Variants in ARHGAP26 observed in about 807,000 individuals in gnomAD.
ARHGAP26 encodes rho GTPase-activating protein 26.
ARHGAP26 carries 38 observed loss-of-function variants against 104.8 expected under a neutral mutation model. The ratio of observed to expected loss-of-function variants is 0.36; its 90% confidence interval spans 0.28 to 0.48. The LOEUF (loss-of-function observed/expected upper bound fraction) is 0.48, where lower values mean the gene tolerates loss of function less well. Among genes scored for constraint, ARHGAP26 ranks in the 20% least tolerant of loss-of-function variants. The pLI is 0.99. For missense variants in ARHGAP26, 704 were observed against 947.9 expected (o/e 0.74, Z 3.38); for synonymous variants, 341 against 340.0 (o/e 1.00, Z -0.03).
At chr5:143,168,990 T>A (rs906811782) in intron 20 of ARHGAP26, 1 of 152,242 alleles carries the variant, frequency 6.6e-6, no homozygotes, top group South Asian at 2.1e-4. Flanking sequence ...CTATGGAAAC[T>A]GCATCCCAGA....
intron 14 of ARHGAP26, among the ~76,000 whole-genome samples, chr5:143,053,771 C>T (rs1463652386): frequency 1.3e-5 from 2 of 152,200 alleles, no homozygotes; most frequent in Admixed American, 6.5e-5. Flanking sequence ...CAGTCCACCA[C>T]TTTAACCCAA....
intron 11 of ARHGAP26, among the ~76,000 whole-genome samples, chr5:142,975,981 G>A (rs886067737): frequency 6.6e-6 from 1 of 152,162 alleles, no homozygotes; most frequent in African/African-American, 2.4e-5. Flanking sequence ...AAAACTCTCC[G>A]TGGAACTTAG....
At chr5:143,137,521 A>G (rs1253357836) in intron 19 of ARHGAP26, among the ~76,000 whole-genome samples, 1 of 152,204 alleles carries the variant, frequency 6.6e-6, no homozygotes, top group Non-Finnish European at 1.5e-5. Context: ...GAGGGCACAC[A>G]TGCACCCATA....
At chr5:143,023,158 G>A (rs1201773744) in intron 12 of ARHGAP26, among the ~76,000 whole-genome samples, 1 of 152,198 alleles carries the variant, frequency 6.6e-6, no homozygotes, top group African/African-American at 2.4e-5. Flanking sequence ...TGCTTTATAT[G>A]TTGTTTCTGT....
intron 12 of ARHGAP26, among the ~76,000 whole-genome samples, chr5:143,018,208 G>C (rs1277305997): frequency 6.6e-6 from 1 of 151,660 alleles, no homozygotes; most frequent in East Asian, 1.9e-4. Flanking sequence ...TTTTCTTTTT[G>C]ATATGTAAAA....
chr5:142,992,282 G>A (rs1428079907), intron 11 of ARHGAP26, among the ~76,000 whole-genome samples: 4 of 152,054 alleles, frequency 2.6e-5, no homozygotes, highest in Non-Finnish European at 5.9e-5. Context: ...GCATCAAGAT[G>A]TAAGGTGAAG....
At chr5:142,771,261 C>T in intron 1 of ARHGAP26, 1 of 1,250,136 alleles carries the variant, frequency 8.0e-7, no homozygotes, top group Non-Finnish European at 1.0e-6. Flanking sequence ...GCGGGCAGAT[C>T]CCATCGTGTC....
In ARHGAP26 at chr5:142,885,336, T is replaced by C. The variant is rs1490221875; in HGVS notation, c.423T>C (p.Tyr141=). The C allele has an allele frequency of 1.2e-6, 2 of 1,613,880 alleles. No individual in the cohort carries two copies. Among genetic ancestry groups the C allele is most frequent in the Non-Finnish European group, 1.7e-6 (2 of 1,179,828 alleles). ...AGTATGACAAAGAGACAGAAAAGTA[T>C]TGTGGCATCTTAGAAAAACACTTGA... The part of the protein sequence containing the change: ...KKKYDKETEK[Y]CGILEKHLNL... Residue 141 remains tyrosine (Y), a synonymous_variant, in exon 5 of 23, where the codon TAT becomes TAC. Transcript: ENST00000645722.
intron 8 of ARHGAP26, among the ~76,000 whole-genome samples, chr5:142,904,525 G>A (rs113308385): frequency 9.3e-4 from 132 of 141,974 alleles, no homozygotes; most frequent in Middle Eastern, 7.3e-3. Context: ...TCTCTTAAAA[G>A]AAAAAAAAAA....
intron 1 of ARHGAP26, among the ~76,000 whole-genome samples, chr5:142,802,695 A>G (rs560095842): frequency 6.6e-6 from 1 of 152,026 alleles, no homozygotes; most frequent in Admixed American, 6.5e-5. Context: ...TTTTTTTTTT[A>G]ACAGCTGTAT....
chr5:142,796,054 C>G (rs1597656973), intron 1 of ARHGAP26, among the ~76,000 whole-genome samples: 2 of 144,150 alleles, frequency 1.4e-5, no homozygotes, highest in East Asian at 2.0e-4. Flanking sequence ...AGGTGTTTTT[C>G]TGTGTGTGTG....
At chr5:142,898,704 T>C (rs149584316) in intron 6 of ARHGAP26, among the ~76,000 whole-genome samples, 74 of 152,330 alleles carry the variant, frequency 4.9e-4, no homozygotes, top group African/African-American at 1.7e-3. Flanking sequence ...TAATCTTCAC[T>C]GCAACTCTGT....
intron 11 of ARHGAP26, among the ~76,000 whole-genome samples, chr5:142,955,184 C>G (rs1312225318): frequency 6.6e-6 from 1 of 152,026 alleles, no homozygotes; most frequent in Non-Finnish European, 1.5e-5. Flanking sequence ...GCCTTACTCT[C>G]AGCTACTCCA....
intron 22 of ARHGAP26, among the ~76,000 whole-genome samples, chr5:143,219,028 G>A (rs897370862): frequency 6.6e-6 from 1 of 152,254 alleles, no homozygotes; most frequent in African/African-American, 2.4e-5. Context: ...AAACTCAGGT[G>A]TGAAGTGCGT....
intron 17 of ARHGAP26, among the ~76,000 whole-genome samples, chr5:143,093,861 A>G (rs1326067569): frequency 6.6e-6 from 1 of 152,004 alleles, no homozygotes; most frequent in Non-Finnish European, 1.5e-5. Context: ...GTGAGGTTCA[A>G]CCCCACACCA....
At chr5:143,063,494 C>T (rs943873682) in intron 17 of ARHGAP26, among the ~76,000 whole-genome samples, 2 of 152,212 alleles carry the variant, frequency 1.3e-5, no homozygotes, top group African/African-American at 4.8e-5. Flanking sequence ...TGGAAATGGC[C>T]TCCAAAGCCC....
intron 11 of ARHGAP26, among the ~76,000 whole-genome samples, chr5:142,989,600 G>C (rs962184179): frequency 2.0e-5 from 3 of 152,122 alleles, no homozygotes; most frequent in Admixed American, 6.6e-5. Context: ...GCATGTTTTT[G>C]CAGTGGCTGG....
chr5:143,159,058 A>C (rs1034650144), intron 20 of ARHGAP26, among the ~76,000 whole-genome samples: 2 of 152,236 alleles, frequency 1.3e-5, no homozygotes, highest in African/African-American at 4.8e-5. Flanking sequence ...CTGCCCAGTC[A>C]CCACCCTTAG....
chr5:143,215,874 T>C (rs1426629973), intron 22 of ARHGAP26, among the ~76,000 whole-genome samples: 1 of 152,218 alleles, frequency 6.6e-6, no homozygotes, highest in African/African-American at 2.4e-5. Context: ...GATGGGCACG[T>C]TGTTTCCTCT....
Sources: allele counts gnomAD v4.1 joint callset (sites outside exome capture counted in the v4.1 genomes callset), GRCh38; gene constraint gnomAD v4.1.1; transcripts MANE v1.5; gene names NCBI Gene and HGNC (gene_info 2026-07-23, HGNC 2026-07-21).